The following PPM1E variants were observed in gnomAD, a reference collection of about 807,000 sequenced individuals.
PPM1E encodes protein phosphatase 1E.
In PPM1E, 20 loss-of-function variants were observed where a neutral mutation model predicts 65.9. The observed-to-expected ratio is 0.30, with a 90% CI of 0.21 to 0.44. PPM1E has a LOEUF of 0.44. PPM1E is among the 20% of genes least tolerant of loss of function. The pLI is 1.00. For missense variants in PPM1E, 713 were observed against 953.1 expected, an observed-to-expected ratio of 0.75 and a Z score of 3.32; for synonymous variants, 352 against 374.9, an observed-to-expected ratio of 0.94 and a Z score of 0.70.
In PPM1E at chr17:58,972,624, T is replaced by G. The variant is rs567541521; in HGVS notation, c.1117-208T>G. Among the ~76,000 whole-genome samples, 157 of 152,338 alleles carry G rather than the reference T, an allele frequency of 1.0e-3. 2 individuals are homozygous for G. The highest frequency in any genetic ancestry group is 3.7e-3 in the African/African-American group (154 of 41,574). ...CTTCGGCCTCCCAAAGTACTGGGATTATAGGCGTGAGCCACCGCGCCCGGC... is the reference window on the plus strand; with the variant it reads ...CTTCGGCCTCCCAAAGTACTGGGATGATAGGCGTGAGCCACCGCGCCCGGC... On this transcript the variant is annotated intron_variant, in intron 5 of 6. Transcript: ENST00000308249.
chr17:58,974,502 A>C (rs1357628611), intron 6 of PPM1E, among the ~76,000 whole-genome samples: 7 of 152,228 alleles, frequency 4.6e-5, no homozygotes, highest in Admixed American at 4.6e-4. Context: ...GTATAAGTTC[A>C]AAGAATTAAG....
intron 1 of PPM1E, among the ~76,000 whole-genome samples, chr17:58,801,818 A>G (rs1473782163): frequency 6.6e-6 from 1 of 151,412 alleles, no homozygotes; most frequent in Non-Finnish European, 1.5e-5. Context: ...GTGCAGTGGC[A>G]TGATCTCGGC....
At chr17:58,884,979 A>G (rs1012969962) in intron 1 of PPM1E, among the ~76,000 whole-genome samples, 1 of 151,960 alleles carries the variant, frequency 6.6e-6, no homozygotes, top group Admixed American at 6.6e-5. Context: ...TTTTTCTTTC[A>G]TACTTTTCAT....
intron 1 of PPM1E, among the ~76,000 whole-genome samples, chr17:58,885,347 G>A (rs1042511183): frequency 6.6e-6 from 1 of 152,170 alleles, no homozygotes; most frequent in African/African-American, 2.4e-5. Flanking sequence ...ATGAGCCACC[G>A]TGCCCAGCCA....
At chr17:58,898,783 G>A (rs566393450) in intron 1 of PPM1E, among the ~76,000 whole-genome samples, 2 of 152,226 alleles carry the variant, frequency 1.3e-5, no homozygotes, top group Admixed American at 1.3e-4. Context: ...TGATAGACTG[G>A]ATTAAGAAAA....
chr17:58,824,597 T>G (rs1349706997), intron 1 of PPM1E, among the ~76,000 whole-genome samples: 5 of 151,510 alleles, frequency 3.3e-5, no homozygotes, highest in South Asian at 2.1e-4. Flanking sequence ...TTCTGTTGTT[T>G]TTTTTTTTTT....
intron 2 of PPM1E, among the ~76,000 whole-genome samples, chr17:58,960,703 TTCCAG>T (rs1364753291): frequency 6.7e-6 from 1 of 150,060 alleles, no homozygotes; most frequent in Non-Finnish European, 1.5e-5. Context: ...GAGGCGGAGG[TTCCAG>T]TGAGCTGAGA....
rs1567842260 is a variant in PPM1E at position 58,816,784 on chromosome 17, A to T, written c.464+60323A>T. Among the ~76,000 whole-genome samples the T allele has an allele frequency of 1.1e-3, 9 of 8,112 alleles. 1 individual carries two copies. The highest frequency in any genetic ancestry group is 4.2e-3 in the African/African-American group (7 of 1,648). The allele number at this position is 8,112 out of a possible 152,430, so 5.3% of individuals were successfully genotyped here. ...TATATATATATATATATATATATATATATATATATATTTTTTTTTTTTTTT... is the reference window on the plus strand; with the variant it reads ...TATATATATATATATATATATATATTTATATATATATTTTTTTTTTTTTTT... On this transcript the variant is annotated intron_variant, in intron 1 of 6. Coordinates refer to ENST00000308249, the MANE Select transcript of PPM1E (RefSeq NM_014906.5).
At position 58,980,857 on chromosome 17, in the gene PPM1E, C is replaced by A; in HGVS notation, c.2094C>A (p.His698Gln). The change falls in exon 7 of 7, where the codon CAC (histidine) becomes CAA (glutamine). Residue 698 changes from histidine (H) to glutamine (Q), a missense_variant. Transcript: ENST00000308249. The surrounding 1 kb of genome is among the most constrained non-coding windows in gnomAD (Gnocchi z 4.7). ...TTCTCTCTGCTCAAGAGCCTTCCCA[C>A]AAAATAGGCACTAGCCTGTCCTCAC... is the stretch of plus-strand genomic sequence containing the variant. ...YSFLSAQEPS[H>Q]KIGTSLSSLT... The A allele has an allele frequency of 6.2e-7, 1 of 1,614,152 alleles. No homozygotes were observed. The highest frequency in any genetic ancestry group is 8.5e-7 in the Non-Finnish European group (1 of 1,180,018).
chr17:58,977,453 A>G (rs1361970837), intron 6 of PPM1E, among the ~76,000 whole-genome samples: 1 of 152,012 alleles, frequency 6.6e-6, no homozygotes, highest in Non-Finnish European at 1.5e-5. Flanking sequence ...AAAAAAAAAA[A>G]AAAGAAATAA....
rs746491129 is a variant in PPM1E at position 58,955,679 on chromosome 17, A to G, written c.495A>G (p.Leu165=). 1.1e-5 allele frequency: 17 copies of G among 1,613,322 alleles called. No individual in the cohort carries two copies. In the South Asian group the frequency reaches 1.4e-4, roughly 14 times the overall value. The change falls in exon 2 of 7, where the codon TTA becomes TTG. Residue 165 remains leucine, a synonymous_variant. Coordinates refer to ENST00000308249, the MANE Select transcript of PPM1E (RefSeq NM_014906.5). ...YNCPSFLAAA[L]ARATSDEVLQ... ...GCCCTTCCTTTTTGGCTGCTGCTTT[A>G]GCCAGAGCCACATCAGATGAAGTCC...
At chr17:58,877,826 A>G (rs1476889084) in intron 1 of PPM1E, among the ~76,000 whole-genome samples, 4 of 152,134 alleles carry the variant, frequency 2.6e-5, no homozygotes, top group African/African-American at 9.7e-5. Flanking sequence ...ATGCACTACT[A>G]TTCTTGGGAT....
chr17:58,768,828 T>A (rs988975969), intron 1 of PPM1E, among the ~76,000 whole-genome samples: 1 of 152,070 alleles, frequency 6.6e-6, no homozygotes, highest in Non-Finnish European at 1.5e-5. Flanking sequence ...TGCCACTATG[T>A]CTGGCTAATT....
chr17:58,979,946 T>G, intron 6 of PPM1E, 28 bp from the exon 7 acceptor site: 8 of 1,560,026 alleles, frequency 5.1e-6, no homozygotes, highest in Non-Finnish European at 7.0e-6. Context: ...CAAATGCTAA[T>G]GATGCCCCTA....
At position 58,984,790 on chromosome 17, in the gene PPM1E, CTATT is replaced by C. The variant is rs2031644594; in HGVS notation, c.*3764_*3767del. 6.6e-6 allele frequency: 1 copy of C among 152,384 alleles called. No homozygotes were observed. Among genetic ancestry groups the C allele is most frequent in the Non-Finnish European group, 1.5e-5 (1 of 68,026 alleles). 9.4% of individuals were successfully genotyped at this position (152,384 alleles called of 1,614,324 possible). The stretch of plus-strand genomic sequence containing the variant: ...AGCATTTTATCTTCTATTTTGAAGA[CTATT>C]TATTGTAATAATTAGAAAACATGAA... On this transcript the variant is annotated 3_prime_UTR_variant, in exon 7 of 7. Transcript: ENST00000308249.
At chr17:58,962,246 T>G (rs2030054794) in intron 2 of PPM1E, among the ~76,000 whole-genome samples, 1 of 148,686 alleles carries the variant, frequency 6.7e-6, no homozygotes, top group Non-Finnish European at 1.5e-5. Flanking sequence ...ATTGTGCCAT[T>G]GCACTCCAGC....
rs544417331 is a variant in PPM1E at position 58,773,573 on chromosome 17, T to A, written c.464+17112T>A. 9.9e-5 allele frequency among the ~76,000 whole-genome samples: 15 copies of A among 152,280 alleles called. No individual in the cohort carries two copies. In the South Asian group the frequency reaches 2.7e-3, roughly 27 times the overall value. On this transcript the variant is annotated intron_variant, in intron 1 of 6. Transcript: ENST00000308249. ...TCCTTCCTTTGTATTATAAGTCATT[T>A]ATATGCATTTCTTATCTCTTTTATT...
At position 58,816,769 on chromosome 17, in the gene PPM1E, TATATATATATATATATATATATA is replaced by T. The variant is rs1389667802; in HGVS notation, c.464+60309_464+60331del. On this transcript the variant is annotated intron_variant, in intron 1 of 6. Transcript: ENST00000308249. ...ATATATATATATATATATATATATA[TATATATATATATATATATATATA>T]TATTTTTTTTTTTTTTTTTTTGAGA... Among the ~76,000 whole-genome samples, 69 of 15,920 alleles carry T rather than the reference TATATATATATATATATATATATA, an allele frequency of 4.3e-3. 3 individuals carry two copies. Among genetic ancestry groups the T allele is most frequent in the Middle Eastern group, 0.02 (1 of 50 alleles). The allele number at this position is 15,920 out of a possible 152,430, so 10.4% of individuals were successfully genotyped here. A position where few individuals can be genotyped will look rare whatever the true frequency, so the allele number is the denominator to read the frequency against.
intron 1 of PPM1E, chr17:58,785,486 A>ATATATATATATATATG (rs2050091590): frequency 7.7e-6 from 1 of 129,620 alleles, no homozygotes; most frequent in Non-Finnish European, 1.7e-5. Flanking sequence ...ATATATATAT[A>ATATATATATATATATG]TATAGTAGAA....
Sources: allele counts gnomAD v4.1 joint callset (sites outside exome capture counted in the v4.1 genomes callset), GRCh38; gene constraint gnomAD v4.1.1; non-coding constraint Gnocchi (gnomAD v3.1); transcripts MANE v1.5; gene names NCBI Gene and HGNC (gene_info 2026-07-23, HGNC 2026-07-21).